The following JAK1 variants were observed in gnomAD, a reference collection of about 807,000 sequenced individuals.
JAK1 encodes tyrosine-protein kinase JAK1.
JAK1 carries 16 observed loss-of-function variants against 136.6 expected under a neutral mutation model. The ratio of observed to expected loss-of-function variants is 0.12; its 90% CI spans 0.08 to 0.18. JAK1 has a LOEUF of 0.18. JAK1 is among the 10% of genes least tolerant of loss of function. The pLI is 1.00. For missense variants in JAK1, 859 were observed against 1,450.1 expected (o/e 0.59, Z 6.62); for synonymous variants, 492 against 519.5 (o/e 0.95, Z 0.72).
At chr1:64,987,371 TAGAC>T (rs1646609809) in intron 2 of JAK1, 1 of 152,196 alleles carries the variant, frequency 6.6e-6, no homozygotes, top group African/African-American at 2.4e-5. Flanking sequence ...GATAGATGGA[TAGAC>T]AGACAGATAA....
chr1:64,951,499 AG>A (rs1646086528), intron 1 of JAK1, among the ~76,000 whole-genome samples: 1 of 152,232 alleles, frequency 6.6e-6, no homozygotes, highest in Non-Finnish European at 1.5e-5. Context: ...GGTCAGCAAC[AG>A]TGAGGACAAT....
chr1:64,979,860 T>A (rs190341033), intron 2 of JAK1: 1 of 152,158 alleles, frequency 6.6e-6, no homozygotes, highest in Non-Finnish European at 1.5e-5. Context: ...AACCGAACCG[T>A]GAAGGACACT....
chr1:65,036,931 A>T (rs1312485602), intron 2 of JAK1, among the ~76,000 whole-genome samples: 1 of 152,244 alleles, frequency 6.6e-6, no homozygotes, highest in Non-Finnish European at 1.5e-5. Flanking sequence ...TCATGCCTAT[A>T]ATCCCAACAT....
At chr1:64,848,234 C>G (rs1299011054) in intron 12 of JAK1, 1 of 152,476 alleles carries the variant, frequency 6.6e-6, no homozygotes, top group African/African-American at 2.4e-5. Context: ...GATGGAGGCT[C>G]CTGGTACAGA....
intron 1 of JAK1, among the ~76,000 whole-genome samples, chr1:65,059,200 G>A (rs934801868): frequency 1.3e-5 from 2 of 151,112 alleles, no homozygotes; most frequent in Non-Finnish European, 2.9e-5. Flanking sequence ...GCTAAGTTAT[G>A]GCGAACCCAT....
At chr1:64,950,503 T>C (rs1436003312) in intron 1 of JAK1, among the ~76,000 whole-genome samples, 1 of 152,218 alleles carries the variant, frequency 6.6e-6, no homozygotes, top group Non-Finnish European at 1.5e-5. Flanking sequence ...GTTTTATCAT[T>C]CTTAGGAACA....
chr1:64,944,853 A>G (rs1463114965), intron 1 of JAK1, among the ~76,000 whole-genome samples: 1 of 101,822 alleles, frequency 9.8e-6, no homozygotes, highest in Non-Finnish European at 3.0e-5. Context: ...AATAAATAGG[A>G]ATAACTTTTG....
At position 64,873,625 on chromosome 1, in the gene JAK1, C is replaced by A. The variant is rs1657213791; in HGVS notation, c.330-102G>T. The A allele has an allele frequency of 2.3e-6, 3 of 1,330,600 alleles. No homozygotes were observed. In the South Asian group the frequency reaches 3.7e-5, roughly 16 times the overall value. The allele number at this position is 1,330,600 out of a possible 1,614,324, so 82.4% of individuals were successfully genotyped here. A position where few individuals can be genotyped will look rare whatever the true frequency, so the allele number is the denominator to read the frequency against. On this transcript the variant is annotated intron_variant, in intron 4 of 24. Coordinates refer to ENST00000342505, the MANE Select transcript of JAK1 (RefSeq NM_002227.4). ...GTGGTCAGTGCCGGAGGCTGAAGTG[C>A]CCTGAGAAGCAGGCAGACAACCCTG...
At chr1:64,869,256 A>G in intron 6 of JAK1, 55 bp downstream of exon 6, 2 of 1,532,796 alleles carry the variant, frequency 1.3e-6, no homozygotes, top group South Asian at 1.1e-5. Context: ...GTGTAAGAAC[A>G]TGTAGAAACA....
At chr1:65,058,467 T>C (rs1189862492) in intron 1 of JAK1, 5 of 534,186 alleles carry the variant, frequency 9.4e-6, no homozygotes, top group South Asian at 2.8e-5. Context: ...ACTGTACCTT[T>C]AGAATAGACA....
intron 1 of JAK1, among the ~76,000 whole-genome samples, chr1:64,928,781 A>AAAAAAAC (rs1372895343): frequency 3.0e-5 from 3 of 100,414 alleles, no homozygotes; most frequent in Non-Finnish European, 5.7e-5. Context: ...AACTCTGCAA[A>AAAAAAAC]AAAAAAAAAA....
At chr1:64,837,798 CA>C in intron 22 of JAK1, 133 bp downstream of exon 22, 1 of 643,334 alleles carries the variant, frequency 1.6e-6, no homozygotes, top group Non-Finnish European at 2.5e-6. Context: ...CAATCAATTC[CA>C]AATGTTCTAA....
At chr1:64,928,798 A>AAAAAAC (rs1553170045) in intron 1 of JAK1, among the ~76,000 whole-genome samples, 98 of 89,986 alleles carry the variant, frequency 1.1e-3, no homozygotes, top group African/African-American at 2.0e-3. Flanking sequence ...AAAAAAAAAC[A>AAAAAAC]AAAAAAAAAA....
At chr1:64,985,632 C>T in intron 2 of JAK1, 1 of 784,698 alleles carries the variant, frequency 1.3e-6, no homozygotes, top group Non-Finnish European at 2.2e-6. Flanking sequence ...GTTGAGAGTG[C>T]CAAAGACACC....
intron 9 of JAK1, among the ~76,000 whole-genome samples, chr1:64,858,960 C>CA (rs1378501148): frequency 6.6e-6 from 1 of 152,210 alleles, no homozygotes; most frequent in Non-Finnish European, 1.5e-5. Context: ...CATTCTGGGC[C>CA]AAGGGAAGAG....
chr1:64,835,910 G>A (rs1025686148), intron 23 of JAK1, among the ~76,000 whole-genome samples, 188 bp downstream of exon 23: 2 of 152,262 alleles, frequency 1.3e-5, no homozygotes, highest in East Asian at 1.9e-4. Context: ...CTCCGGGCTC[G>A]TTGTGAAAGC....
At chr1:64,846,557 G>T in intron 14 of JAK1, 92 bp downstream of exon 14, 2 of 881,018 alleles carry the variant, frequency 2.3e-6, no homozygotes, top group African/African-American at 1.6e-5. Flanking sequence ...AGAAGCCTGG[G>T]CAACGTGAGG....
chr1:64,909,129 C>T (rs1216409845), intron 1 of JAK1, among the ~76,000 whole-genome samples: 1 of 152,212 alleles, frequency 6.6e-6, no homozygotes, highest in East Asian at 1.9e-4. Context: ...CTGGATGCAA[C>T]GTAAGGCATT....
intron 2 of JAK1, among the ~76,000 whole-genome samples, chr1:65,022,455 C>G (rs957286078): frequency 1.3e-5 from 2 of 152,068 alleles, no homozygotes; most frequent in Admixed American, 6.6e-5. Context: ...GTAAATGACT[C>G]TGCATTTTAG....
Sources: gnomAD v4.1 joint callset for allele counts (sites outside exome capture counted in the v4.1 genomes callset) on GRCh38, gnomAD v4.1.1 for gene constraint, MANE v1.5 for transcripts, NCBI Gene and HGNC (gene_info 2026-07-23, HGNC 2026-07-21) for gene names.